Variants in CD1B observed in about 807,000 individuals in gnomAD.
CD1B encodes the protein T-cell surface glycoprotein CD1b.
In CD1B, 43 loss-of-function variants were observed where a neutral mutation model predicts 39.8. The observed-to-expected ratio is 1.08, with a 90% CI of 0.85 to 1.39. The LOEUF (loss-of-function observed/expected upper bound fraction) is 1.39, where lower values mean the gene tolerates loss of function less well. Among genes scored for constraint, CD1B ranks in the 40% most tolerant of loss-of-function variants. The pLI is 0.00. For synonymous variants in CD1B, 192 were observed against 152.5 expected, an observed-to-expected ratio of 1.26 and a Z score of -1.91; for missense variants, 495 against 403.8, an observed-to-expected ratio of 1.23 and a Z score of -1.94.
the CD1B span, among the ~76,000 whole-genome samples, chr1:158,300,975 G>T: frequency 3.3e-5 from 5 of 151,854 alleles, no homozygotes; most frequent in East Asian, 9.7e-4. Context: ...AGCCAGGATG[G>T]TCTCAATTGC....
At chr1:158,321,420 T>G in the CD1B span, among the ~76,000 whole-genome samples, 1 of 152,236 alleles carries the variant, frequency 6.6e-6, no homozygotes, top group Non-Finnish European at 1.5e-5. Flanking sequence ...GTGAGGCTCT[T>G]ATAGGCAGCA....
chr1:158,315,930 C>T, the CD1B span, among the ~76,000 whole-genome samples: 1 of 152,098 alleles, frequency 6.6e-6, no homozygotes, highest in Admixed American at 6.5e-5. Context: ...TTCCCCATTG[C>T]TGGTTTTTCT....
rs753248168 is a variant in CD1B at position 158,330,001 on chromosome 1, G to A, written c.458C>T (p.Pro153Leu). 1.9e-6 allele frequency: 3 copies of A among 1,614,044 alleles called. No individual in the cohort carries two copies. The highest frequency in any genetic ancestry group is 2.5e-6 in the Non-Finnish European group (3 of 1,180,010). Reference sequence around the variant, plus strand: ...TTTCTGTGCCCTGCTGCCACCTTCTGGGGAAGGCACACATGAAGCATTCTT... The same window carrying A: ...TTTCTGTGCCCTGCTGCCACCTTCTAGGGAAGGCACACATGAAGCATTCTT... ...SVKNASCVPS[P>L]EGGSRAQKFC... Residue 153 changes from proline (P) to leucine (L), a missense_variant, in exon 3 of 6, where the codon CCA becomes CTA. Physicochemically the swap from Pro to Leu is moderately conservative, Grantham distance 98. Transcript: ENST00000368168.
the CD1B span, among the ~76,000 whole-genome samples, chr1:158,322,316 A>G: frequency 1.3e-5 from 2 of 152,144 alleles, no homozygotes; most frequent in African/African-American, 4.8e-5. Flanking sequence ...GGCTCACTGC[A>G]ACCTCTGCCT....
chr1:158,292,126 C>A, the CD1B span: 1 of 1,614,144 alleles, frequency 6.2e-7, no homozygotes. Context: ...GAGCTGCATT[C>A]TGGAAAGAGC....
chr1:158,294,441 A>T, the CD1B span, among the ~76,000 whole-genome samples: 1 of 152,302 alleles, frequency 6.6e-6, no homozygotes, highest in Non-Finnish European at 1.5e-5. Context: ...TGAAGTTGCA[A>T]TGTTTGCTTC....
the CD1B span, chr1:158,292,431 C>A: frequency 6.5e-7 from 1 of 1,535,876 alleles, no homozygotes; most frequent in African/African-American, 1.4e-5. Flanking sequence ...TGTTCCCACC[C>A]TTCAAACTCA....
At chr1:158,324,854 T>C (rs181781526), downstream of CD1B, among the ~76,000 whole-genome samples, 12 of 152,264 alleles carry the variant, frequency 7.9e-5, no homozygotes, top group East Asian at 2.3e-3. Context: ...CAGAGGTGTA[T>C]TGATGGAGCT....
the CD1B span, among the ~76,000 whole-genome samples, chr1:158,301,914 A>G: frequency 6.6e-6 from 1 of 152,142 alleles, no homozygotes; most frequent in Non-Finnish European, 1.5e-5. Flanking sequence ...TGTCACTTTC[A>G]GGTACACAAA....
the CD1B span, chr1:158,293,730 C>A: frequency 1.3e-6 from 1 of 752,184 alleles, no homozygotes; most frequent in Non-Finnish European, 2.2e-6. Context: ...CATACTGAAC[C>A]CAGAGAGCCC....
At chr1:158,316,534 T>G in the CD1B span, among the ~76,000 whole-genome samples, 3 of 151,990 alleles carry the variant, frequency 2.0e-5, no homozygotes, top group East Asian at 5.8e-4. Context: ...CTGAAGTTGC[T>G]TATCTGCTTA....
the CD1B span, among the ~76,000 whole-genome samples, chr1:158,287,620 C>G: frequency 6.6e-6 from 1 of 152,078 alleles, no homozygotes; most frequent in South Asian, 2.1e-4. Context: ...TCTAGTGGCA[C>G]TATCAGAAGT....
At chr1:158,299,075 G>A in the CD1B span, among the ~76,000 whole-genome samples, 2 of 152,122 alleles carry the variant, frequency 1.3e-5, no homozygotes, top group Admixed American at 1.3e-4. Flanking sequence ...GTGAGAGAGG[G>A]CATCCTTGTC....
the CD1B span, among the ~76,000 whole-genome samples, chr1:158,290,935 G>C: frequency 6.6e-6 from 1 of 151,912 alleles, no homozygotes; most frequent in South Asian, 2.2e-4. Flanking sequence ...TGCCATTTGA[G>C]CATACCTCTC....
the CD1B span, among the ~76,000 whole-genome samples, chr1:158,314,275 G>A: frequency 6.6e-6 from 1 of 152,078 alleles, no homozygotes; most frequent in Non-Finnish European, 1.5e-5. Context: ...AGTAGAGATG[G>A]GGTTTCACCA....
chr1:158,292,511 CTG>C, the CD1B span: 15 of 1,501,154 alleles, frequency 1.0e-5, no homozygotes, highest in Middle Eastern at 2.0e-4. Context: ...AAAAAGATAA[CTG>C]TGCATATTCA....
At chr1:158,320,239 G>A in the CD1B span, among the ~76,000 whole-genome samples, 37 of 152,328 alleles carry the variant, frequency 2.4e-4, no homozygotes, top group Non-Finnish European at 4.3e-4. Flanking sequence ...GGGCAATGGT[G>A]GGCGCCCCTG....
In CD1B at chr1:158,330,440, C is replaced by A. The variant is rs138384832; in HGVS notation, c.329-310G>T. The A allele has an allele frequency of 1.4e-5, 8 of 552,772 alleles. No homozygotes were observed. The East Asian group carries it at 1.6e-4, about 11-fold the overall frequency. 34.2% of individuals were successfully genotyped at this position (552,772 alleles called of 1,614,324 possible). Reference sequence around the variant, plus strand: ...GGAGGTTCCCAGCAAGAGGAGGGTGCGGGGAGGAGATGATTGAAAAGATGG... The same window carrying A: ...GGAGGTTCCCAGCAAGAGGAGGGTGAGGGGAGGAGATGATTGAAAAGATGG... On this transcript the variant is annotated intron_variant, in intron 2 of 5. Coordinates refer to ENST00000368168, the MANE Select transcript of CD1B (RefSeq NM_001764.3).
At chr1:158,328,301 T>C in intron 5 of CD1B, 44 bp from the exon 6 acceptor site, 1 of 1,500,762 alleles carries the variant, frequency 6.7e-7, no homozygotes, top group African/African-American at 1.4e-5. Flanking sequence ...TAAAAGATGT[T>C]TGTACACCCA....
Sources: gnomAD v4.1 joint callset for allele counts (sites outside exome capture counted in the v4.1 genomes callset) on GRCh38, gnomAD v4.1.1 for gene constraint, MANE v1.5 for transcripts, NCBI Gene and HGNC (gene_info 2026-07-23, HGNC 2026-07-21) for gene names.